ZNF44: variants seen among roughly 807,000 people sequenced by gnomAD.
ZNF44 encodes zinc finger protein 44, also known as gonadotropin inducible transcription repressor-2.
A neutral mutation model predicts 11.7 loss-of-function variants in ZNF44; 9 were observed. That is an observed-to-expected ratio of 0.77 (90% CI 0.46 to 1.35). The LOEUF (loss-of-function observed/expected upper bound fraction) is 1.35. ZNF44 is among the 40% of genes most tolerant of loss of function. ZNF44 has a pLI of 0.00. For synonymous variants in ZNF44, 224 were observed against 242.7 expected (o/e 0.92, Z 0.72); for missense variants, 696 against 743.1 (o/e 0.94, Z 0.74).
At chr19:12,293,405 A>T in intron 1 of ZNF44, 1 of 1,530,560 alleles carries the variant, frequency 6.5e-7, no homozygotes, top group Non-Finnish European at 8.8e-7. Context: ...GGCTGAGGTC[A>T]CATCACCCTG....
At chr19:12,293,267 G>C in intron 1 of ZNF44, 1 of 1,536,906 alleles carries the variant, frequency 6.5e-7, no homozygotes, top group Non-Finnish European at 8.7e-7. Flanking sequence ...AACACCTCAG[G>C]CTGTCCTCTG....
chr19:12,291,354 G>C (rs894450419), intron 1 of ZNF44: 1 of 407,226 alleles, frequency 2.5e-6, no homozygotes, highest in Non-Finnish European at 4.8e-6. Context: ...AGCCAAAATG[G>C]AAGAGTTTTC....
At chr19:12,250,009 C>A in exon 7 of ZNF44, 1 of 1,286,042 alleles carries the variant, frequency 7.8e-7, no homozygotes. Flanking sequence ...TTGTACTGCT[C>A]TTCAATGTTC....
downstream of ZNF44, chr19:12,244,500 T>G (rs1004718748): frequency 3.3e-5 from 5 of 152,566 alleles, no homozygotes; most frequent in African/African-American, 1.2e-4. Context: ...CAGGAAATAC[T>G]TCAGTGTTTA....
intron 1 of ZNF44, among the ~76,000 whole-genome samples, chr19:12,292,479 C>T (rs1599554008): frequency 1.3e-5 from 2 of 152,092 alleles, no homozygotes; most frequent in East Asian, 3.9e-4. Flanking sequence ...AATAACTGAA[C>T]AAATCTTTTC....
intron 1 of ZNF44, among the ~76,000 whole-genome samples, chr19:12,279,521 G>T (rs1200643609): frequency 6.6e-6 from 1 of 150,992 alleles, no homozygotes; most frequent in African/African-American, 2.4e-5. Context: ...AAATAAAACA[G>T]AGAAACATGA....
chr19:12,258,564 T>C (rs1356956922), intron 5 of ZNF44, among the ~76,000 whole-genome samples: 1 of 152,102 alleles, frequency 6.6e-6, no homozygotes, highest in East Asian at 1.9e-4. Context: ...GTGCAGTGGC[T>C]CATGCCTGTA....
chr19:12,278,151 C>T (rs1218152964), intron 1 of ZNF44, among the ~76,000 whole-genome samples: 1 of 152,164 alleles, frequency 6.6e-6, no homozygotes, highest in Admixed American at 6.5e-5. Context: ...GAACACCTGG[C>T]CCACCCAGGG....
Position 12,285,150 on chromosome 19 carries a change from C to T in ZNF44, c.4-9068G>A. On this transcript the variant is annotated intron_variant, in intron 1 of 3. Coordinates refer to ENST00000355684, the MANE Select transcript of ZNF44 (RefSeq NM_016264.4). ...TAAGACCCACACCAGAGTCTCTGTG[C>T]AGAGGACCCAGGCTCCAGCTGTGGC... 9 of 585,276 alleles carry T rather than the reference C, an allele frequency of 1.5e-5. 1 individual carries two copies. In the South Asian group the frequency reaches 2.1e-4, roughly 14 times the overall value. 36.3% of individuals were successfully genotyped at this position (585,276 alleles called of 1,614,324 possible).
At chr19:12,240,463 A>AAAC (rs1916576538), upstream of ZNF44, among the ~76,000 whole-genome samples, 1 of 146,090 alleles carries the variant, frequency 6.8e-6, no homozygotes, top group African/African-American at 2.5e-5. Context: ...AAAAAAAAAA[A>AAAC]CTAGAAAAAA....
Position 12,282,666 on chromosome 19 carries a change from G to T in ZNF44, c.4-6584C>A, listed in dbSNP as rs368257827. On this transcript the variant is annotated intron_variant, in intron 1 of 3. Transcript: ENST00000355684. ...TCGAATTTCTGACCTGAGGTGATCCGCCCACCTAGGCCTCCCAAAGTGCTG... is the reference window on the plus strand; with the variant it reads ...TCGAATTTCTGACCTGAGGTGATCCTCCCACCTAGGCCTCCCAAAGTGCTG... 8.6e-5 allele frequency among the ~76,000 whole-genome samples: 13 copies of T among 151,988 alleles called. No homozygotes were observed. In the East Asian group the frequency reaches 1.2e-3, roughly 14 times the overall value.
At chr19:12,282,527 T>C (rs2145748698) in intron 1 of ZNF44, among the ~76,000 whole-genome samples, 1 of 148,246 alleles carries the variant, frequency 6.7e-6, no homozygotes, top group Middle Eastern at 3.5e-3. Context: ...GTTCAAACAA[T>C]TCTCCTGCCT....
At chr19:12,260,067 T>C (rs1298448227) in intron 5 of ZNF44, 1 of 541,718 alleles carries the variant, frequency 1.8e-6, no homozygotes, top group Non-Finnish European at 3.5e-6. Context: ...CAGGCATCAG[T>C]CACAACTTCA....
At chr19:12,257,471 G>A (rs1051495631) in intron 5 of ZNF44, among the ~76,000 whole-genome samples, 2 of 151,926 alleles carry the variant, frequency 1.3e-5, no homozygotes, top group African/African-American at 2.4e-5. Flanking sequence ...CCAACATGGT[G>A]AAACCCCGTC....
At position 12,274,980 on chromosome 19, in the gene ZNF44, T is replaced by C. The variant is rs1967149384; in HGVS notation, c.184A>G (p.Asn62Asp). 6.3e-7 allele frequency: 1 copy of C among 1,589,020 alleles called. No homozygotes were observed. Among genetic ancestry groups the C allele is most frequent in the African/African-American group, 1.4e-5 (1 of 73,594 alleles). The change falls in exon 3 of 4, where the codon AAT (asparagine) becomes GAT (aspartate). Residue 62 changes from asparagine to aspartate, a missense_variant. Physicochemically the swap from Asn to Asp is conservative, Grantham distance 23. Transcript: ENST00000355684. ...CTTATAAGTACAAATTACCTTGGAT[T>C]TCTCCTGAGATTTTGGTGCTGATCA... is the stretch of plus-strand genomic sequence containing the variant. ...IDDQHQNLRR[N>D]PRCDVVERFG...
intron 3 of ZNF44, among the ~76,000 whole-genome samples, chr19:12,228,987 T>A (rs988656458): frequency 3.3e-5 from 5 of 152,242 alleles, no homozygotes; most frequent in African/African-American, 1.2e-4. Flanking sequence ...CTGGTAACTC[T>A]TAAGACAGTT....
In ZNF44 at chr19:12,230,852, G is replaced by A. The variant is rs574569828; in HGVS notation, n.381-337C>T. 8.5e-5 allele frequency among the ~76,000 whole-genome samples: 13 copies of A among 152,256 alleles called. No individual in the cohort carries two copies. The South Asian group carries it at 2.7e-3, about 32-fold the overall frequency. ...GTGTATATTGGTTTTAGGGTGAGGG[G>A]GCTTATTACAAGCTTGGAATGTTTC... is the stretch of plus-strand genomic sequence containing the variant. On this transcript the variant is annotated intron_variant and non_coding_transcript_variant, in intron 2 of 3. Coordinates refer to the ZNF44 transcript ENST00000597563.
chr19:12,271,341 C>T (rs1966942158), downstream of ZNF44, among the ~76,000 whole-genome samples: 1 of 152,156 alleles, frequency 6.6e-6, no homozygotes, highest in African/African-American at 2.4e-5. Flanking sequence ...AATATGAAGA[C>T]ATACCCTTCA....
upstream of ZNF44, among the ~76,000 whole-genome samples, chr19:12,242,367 G>A (rs985567119): frequency 6.6e-6 from 1 of 151,636 alleles, no homozygotes; most frequent in Admixed American, 6.6e-5. Flanking sequence ...AAAATTAGCC[G>A]GGCGTGGTGG....
Sources: gnomAD v4.1 joint callset for allele counts (sites outside exome capture counted in the v4.1 genomes callset) on GRCh38, gnomAD v4.1.1 for gene constraint, MANE v1.5 for transcripts, NCBI Gene and HGNC (gene_info 2026-07-23, HGNC 2026-07-21) for gene names.